GPC5: variants seen among roughly 807,000 people sequenced by gnomAD.
GPC5 encodes glypican 5.
Under a neutral mutation model 53.9 loss-of-function variants are expected in GPC5, and 47 were observed. The observed-to-expected ratio is 0.87, with a 90% CI of 0.69 to 1.11. The LOEUF (loss-of-function observed/expected upper bound fraction) is 1.11, where lower values mean the gene tolerates loss of function less well. Among genes scored for constraint, GPC5 ranks in the 50% most tolerant of loss-of-function variants. GPC5 has a pLI of 0.00. For missense variants in GPC5, 748 were observed against 713.1 expected (o/e 1.05, Z -0.56); for synonymous variants, 286 against 263.3 (o/e 1.09, Z -0.84).
chr13:91,811,405 T>C (rs2038310037), intron 5 of GPC5, among the ~76,000 whole-genome samples: 1 of 152,098 alleles, frequency 6.6e-6, no homozygotes, highest in African/African-American at 2.4e-5. Flanking sequence ...TTTAGGTTTA[T>C]GTTCATTTGA....
intron 7 of GPC5, among the ~76,000 whole-genome samples, chr13:92,536,563 C>G (rs1488784536): frequency 1.3e-5 from 2 of 151,972 alleles, no homozygotes; most frequent in Non-Finnish European, 2.9e-5. Flanking sequence ...AGGTGTCCAG[C>G]CTGAGGGAAA....
chr13:92,479,147 A>G (rs1196554091), intron 7 of GPC5, among the ~76,000 whole-genome samples: 2 of 152,172 alleles, frequency 1.3e-5, no homozygotes, highest in African/African-American at 4.8e-5. Flanking sequence ...AGTCCTATTT[A>G]TAGAGATACT....
chr13:92,534,099 C>T (rs544064082), intron 7 of GPC5, among the ~76,000 whole-genome samples: 79 of 152,086 alleles, frequency 5.2e-4, no homozygotes, highest in Non-Finnish European at 9.0e-4. Flanking sequence ...CCAGCCTGGG[C>T]AATATAGTGA....
At chr13:92,236,731 A>G (rs1194336749) in intron 7 of GPC5, among the ~76,000 whole-genome samples, 1 of 152,194 alleles carries the variant, frequency 6.6e-6, no homozygotes, top group Non-Finnish European at 1.5e-5. Context: ...ACAGATGTGT[A>G]TCATGTTGAT....
intron 7 of GPC5, among the ~76,000 whole-genome samples, chr13:92,274,178 A>T (rs116456262): frequency 0.013 from 1,993 of 152,240 alleles, 51 homozygotes; most frequent in African/African-American, 0.045. Flanking sequence ...TTAGAATTTT[A>T]TTCTAGGCAT....
intron 6 of GPC5, among the ~76,000 whole-genome samples, chr13:92,104,356 T>C (rs1566436775): frequency 6.6e-6 from 1 of 152,230 alleles, no homozygotes; most frequent in Non-Finnish European, 1.5e-5. Flanking sequence ...ATTGTAATTC[T>C]TTTATTTCCA....
At chr13:92,412,294 A>T (rs1876079701) in intron 7 of GPC5, among the ~76,000 whole-genome samples, 1 of 152,164 alleles carries the variant, frequency 6.6e-6, no homozygotes, top group African/African-American at 2.4e-5. Flanking sequence ...TACACTAGTC[A>T]CTGTTTAAGA....
chr13:92,762,592 C>T (rs1290197176), intron 7 of GPC5, among the ~76,000 whole-genome samples: 1 of 152,088 alleles, frequency 6.6e-6, no homozygotes, highest in Admixed American at 6.5e-5. Flanking sequence ...TTTTGAGCCC[C>T]ATGTATCTGG....
chr13:91,670,242 G>A (rs2035213328), intron 2 of GPC5, among the ~76,000 whole-genome samples: 2 of 152,210 alleles, frequency 1.3e-5, no homozygotes, highest in African/African-American at 2.4e-5. Context: ...TCTGTATTTT[G>A]AGGAGTGAAG....
chr13:91,994,072 T>A (rs1480651120), intron 6 of GPC5, among the ~76,000 whole-genome samples: 1 of 152,212 alleles, frequency 6.6e-6, no homozygotes, highest in East Asian at 1.9e-4. Context: ...TTACTGAATC[T>A]TTGAACAGTA....
intron 7 of GPC5, among the ~76,000 whole-genome samples, chr13:92,631,173 T>C (rs1297922134): frequency 6.6e-6 from 1 of 152,058 alleles, no homozygotes; most frequent in East Asian, 1.9e-4. Flanking sequence ...GATAATTAAA[T>C]GAGAAAATGC....
At chr13:91,590,440 A>T (rs184817158) in intron 2 of GPC5, among the ~76,000 whole-genome samples, 1 of 152,118 alleles carries the variant, frequency 6.6e-6, no homozygotes, top group Non-Finnish European at 1.5e-5. Context: ...ATGTTTTCCT[A>T]TATTTTCTCT....
rs1478454870 is a variant in GPC5, at chr13:91,712,495, T to C, written c.1021-16037T>C. On this transcript the variant is annotated intron_variant, in intron 3 of 7. Transcript: ENST00000377067. ...TTTTTAAAATCCATAATATGTAATA[T>C]GGATTAGAATGTGATATCTTCGTCA... Among the ~76,000 whole-genome samples, 6 of 152,156 alleles carry C rather than the reference T, an allele frequency of 3.9e-5. No individual in the cohort carries two copies. In the South Asian group the frequency reaches 1.0e-3, roughly 26 times the overall value.
chr13:91,529,461 C>T (rs1417026254), intron 2 of GPC5, among the ~76,000 whole-genome samples: 1 of 152,114 alleles, frequency 6.6e-6, no homozygotes, highest in Non-Finnish European at 1.5e-5. Context: ...CAGCTTTATG[C>T]TCCGAAGACA....
chr13:92,526,356 G>A (rs1374962790), intron 7 of GPC5, among the ~76,000 whole-genome samples: 6 of 152,010 alleles, frequency 3.9e-5, no homozygotes, highest in Non-Finnish European at 8.8e-5. Context: ...GAGTGCTCCT[G>A]GCACTCACTA....
rs576055309 is a variant in GPC5, at chr13:92,150,870, C to A, written c.1561+5881C>A. Among the ~76,000 whole-genome samples the A allele has an allele frequency of 2.7e-5, 4 of 147,232 alleles. No homozygotes were observed. The East Asian group carries it at 8.0e-4, about 29-fold the overall frequency. On this transcript the variant is annotated intron_variant, in intron 7 of 7. Coordinates refer to ENST00000377067, the MANE Select transcript of GPC5 (RefSeq NM_004466.6). ...TTGAACAACACAATGCTAAGTGTAA[C>A]TATATGATCAATAGAGGAAGTAAAA...
chr13:91,448,361 C>T (rs1212842536), intron 1 of GPC5, among the ~76,000 whole-genome samples: 1 of 152,164 alleles, frequency 6.6e-6, no homozygotes, highest in African/African-American at 2.4e-5. Context: ...TTTCATTTCC[C>T]CATGAAAAGC....
rs183428552 is a variant in GPC5 at position 92,279,741 on chromosome 13, A to G, written c.1561+134752A>G. Among the ~76,000 whole-genome samples, 504 of 152,180 alleles carry G rather than the reference A, an allele frequency of 3.3e-3. 6 individuals are homozygous for G. The highest frequency in any genetic ancestry group is 0.011 in the African/African-American group (468 of 41,536). ...ACATTGATTACTTTTCTTACATTGA[A>G]ATAAGCTTGCATTTCTAGAATAAAT... On this transcript the variant is annotated intron_variant, in intron 7 of 7. Coordinates refer to ENST00000377067, the MANE Select transcript of GPC5 (RefSeq NM_004466.6).
intron 7 of GPC5, among the ~76,000 whole-genome samples, chr13:92,182,886 A>T (rs1566473869): frequency 1.4e-5 from 2 of 145,740 alleles, no homozygotes; most frequent in Admixed American, 6.8e-5. Context: ...GAAAAAAAAA[A>T]AAAAGTAAAC....
Sources: allele counts gnomAD v4.1 joint callset (sites outside exome capture counted in the v4.1 genomes callset), GRCh38; gene constraint gnomAD v4.1.1; transcripts MANE v1.5; gene names NCBI Gene and HGNC (gene_info 2026-07-23, HGNC 2026-07-21).